Variants in KCNIP4 observed in about 807,000 individuals in gnomAD.
KCNIP4 encodes the protein potassium voltage-gated channel interacting protein 4.
KCNIP4 carries 12 observed loss-of-function variants against 34.0 expected under a neutral mutation model. That is an observed-to-expected ratio of 0.35 (90% confidence interval 0.23 to 0.57). KCNIP4 has a LOEUF of 0.57. Among genes scored for constraint, KCNIP4 ranks in the 20% least tolerant of loss-of-function variants. The pLI, the probability that KCNIP4 is intolerant of heterozygous loss-of-function variation, is 0.83. For missense variants in KCNIP4, 238 were observed against 311.7 expected (o/e 0.76, Z 1.78); for synonymous variants, 124 against 102.2 (o/e 1.21, Z -1.29).
intron 1 of KCNIP4, among the ~76,000 whole-genome samples, chr4:21,918,048 C>G (rs903762094): frequency 1.3e-5 from 2 of 152,098 alleles, no homozygotes; most frequent in Non-Finnish European, 2.9e-5. Flanking sequence ...ACTTTGACAC[C>G]CCCATTAGGT....
chr4:20,953,595 T>C (rs879840162), intron 1 of KCNIP4, among the ~76,000 whole-genome samples: 1 of 152,050 alleles, frequency 6.6e-6, no homozygotes, highest in Non-Finnish European at 1.5e-5. Context: ...GGCAGGAGGA[T>C]TGGTTGAGCC....
At chr4:21,517,111 G>C (rs1046348794) in intron 1 of KCNIP4, among the ~76,000 whole-genome samples, 1 of 152,080 alleles carries the variant, frequency 6.6e-6, no homozygotes, top group South Asian at 2.1e-4. Flanking sequence ...AAATTCTAAG[G>C]CTTCATGAAC....
At chr4:20,765,536 C>G (rs1357933051) in intron 3 of KCNIP4, among the ~76,000 whole-genome samples, 1 of 152,174 alleles carries the variant, frequency 6.6e-6, no homozygotes, top group Non-Finnish European at 1.5e-5. Flanking sequence ...AGAACCTCCC[C>G]ACCTTCCTGT....
At position 21,356,105 on chromosome 4, in the gene KCNIP4, C is replaced by T. The variant is rs531241373; in HGVS notation, c.62-473396G>A. Reference sequence around the variant, plus strand: ...GCCTTTGACAAAAATCAACAGCCTTCGACAAAATTCAACAGCCCTTCATGC... The same window carrying T: ...GCCTTTGACAAAAATCAACAGCCTTTGACAAAATTCAACAGCCCTTCATGC... On this transcript the variant is annotated intron_variant, in intron 1 of 8. Coordinates refer to ENST00000382152, the MANE Select transcript of KCNIP4 (RefSeq NM_025221.6). Among the ~76,000 whole-genome samples the T allele has an allele frequency of 1.3e-4, 20 of 151,536 alleles. 1 individual carries two copies. Among genetic ancestry groups the T allele is most frequent in the Admixed American group, 6.6e-4 (10 of 15,202 alleles).
chr4:21,520,017 T>C lies in KCNIP4; in HGVS notation c.61+428554A>G, dbSNP rs114638896. Among the ~76,000 whole-genome samples, 831 of 152,002 alleles carry C rather than the reference T, an allele frequency of 5.5e-3. 14 individuals are homozygous for C. Among genetic ancestry groups the C allele is most frequent in the African/African-American group, 0.019 (792 of 41,470 alleles). ...CAAAACTGAAGAACTTGGAGTGCGA[T>C]GTTTGAGGGAAGGAAGCATCCAGCG... On this transcript the variant is annotated intron_variant, in intron 1 of 8. Transcript: ENST00000382152.
chr4:20,948,530 C>T (rs1418667759), intron 1 of KCNIP4, among the ~76,000 whole-genome samples: 2 of 152,198 alleles, frequency 1.3e-5, no homozygotes, highest in Non-Finnish European at 2.9e-5. Flanking sequence ...CGTTACACTC[C>T]TGCAGCATGC....
intron 1 of KCNIP4, among the ~76,000 whole-genome samples, chr4:21,748,587 T>G: frequency 6.6e-6 from 1 of 152,170 alleles, no homozygotes; most frequent in East Asian, 1.9e-4. Flanking sequence ...AAGGGTGGGT[T>G]TATATCATGA....
At chr4:21,054,171 A>G (rs1375480803) in intron 1 of KCNIP4, among the ~76,000 whole-genome samples, 1 of 152,168 alleles carries the variant, frequency 6.6e-6, no homozygotes, top group African/African-American at 2.4e-5. Context: ...GAAGGAGAAG[A>G]ACAAAGTTAG....
chr4:21,561,654 C>T (rs1468030543), intron 1 of KCNIP4, among the ~76,000 whole-genome samples: 5 of 151,666 alleles, frequency 3.3e-5, no homozygotes, highest in Admixed American at 1.3e-4. Flanking sequence ...CTAAAAAAAT[C>T]AGACAAAAAA....
At chr4:21,726,832 A>G (rs1715230679) in intron 1 of KCNIP4, among the ~76,000 whole-genome samples, 2 of 152,280 alleles carry the variant, frequency 1.3e-5, no homozygotes, top group South Asian at 2.1e-4. Context: ...CGATGGATCA[A>G]TCCTGATTTG....
rs576319294 is a variant in KCNIP4 at position 21,116,693 on chromosome 4, G to C, written c.62-233984C>G. On this transcript the variant is annotated intron_variant, in intron 1 of 8. Coordinates refer to ENST00000382152, the MANE Select transcript of KCNIP4 (RefSeq NM_025221.6). The stretch of plus-strand genomic sequence containing the variant: ...TTCCTTGTTGGGCAAAACTTTCAGA[G>C]TAGACTACCAGCAGATTATTTGCAG... 2.3e-4 allele frequency among the ~76,000 whole-genome samples: 35 copies of C among 152,310 alleles called. No individual in the cohort carries two copies. The Middle Eastern group carries it at 0.017, about 74-fold the overall frequency.
chr4:21,455,035 C>G (rs954395157), intron 1 of KCNIP4, among the ~76,000 whole-genome samples: 2 of 151,966 alleles, frequency 1.3e-5, no homozygotes, highest in Admixed American at 1.3e-4. Flanking sequence ...CAAACAAGGC[C>G]AGCTGGTCCC....
At chr4:21,264,424 G>A (rs1447335295) in intron 1 of KCNIP4, among the ~76,000 whole-genome samples, 1 of 152,150 alleles carries the variant, frequency 6.6e-6, no homozygotes, top group Non-Finnish European at 1.5e-5. Context: ...GATTAGCATG[G>A]TGGTTAGGAA....
intron 1 of KCNIP4, among the ~76,000 whole-genome samples, chr4:21,009,994 A>G (rs924420346): frequency 6.6e-6 from 1 of 152,208 alleles, no homozygotes; most frequent in Non-Finnish European, 1.5e-5. Context: ...GCAAGTCCAC[A>G]ATGAAGATGA....
At chr4:21,031,799 TC>T (rs1560661887) in intron 1 of KCNIP4, among the ~76,000 whole-genome samples, 1 of 152,196 alleles carries the variant, frequency 6.6e-6, no homozygotes, top group African/African-American at 2.4e-5. Flanking sequence ...CAACTCTACA[TC>T]GCTAGCTTTT....
chr4:20,902,488 A>G (rs1727256568), intron 1 of KCNIP4, among the ~76,000 whole-genome samples: 1 of 152,166 alleles, frequency 6.6e-6, no homozygotes, highest in Non-Finnish European at 1.5e-5. Context: ...AAAAGTGATT[A>G]GTATTGCACC....
chr4:21,215,970 T>G (rs1757548448), intron 1 of KCNIP4, among the ~76,000 whole-genome samples: 1 of 151,994 alleles, frequency 6.6e-6, no homozygotes, highest in Admixed American at 6.6e-5. Context: ...CATGTGCCTT[T>G]TTTAGAGATG....
chr4:21,592,686 T>G (rs1362576067), intron 1 of KCNIP4, among the ~76,000 whole-genome samples: 1 of 152,164 alleles, frequency 6.6e-6, no homozygotes, highest in Non-Finnish European at 1.5e-5. Context: ...TATTTAATCT[T>G]CTATTTCTTT....
chr4:20,840,542 G>A (rs949127166), intron 3 of KCNIP4, among the ~76,000 whole-genome samples: 2 of 152,078 alleles, frequency 1.3e-5, no homozygotes, highest in African/African-American at 4.8e-5. Context: ...CCCATCAAAT[G>A]CCCCACACCA....
Sources: allele counts gnomAD v4.1 joint callset (sites outside exome capture counted in the v4.1 genomes callset), GRCh38; gene constraint gnomAD v4.1.1; transcripts MANE v1.5; gene names NCBI Gene and HGNC (gene_info 2026-07-23, HGNC 2026-07-21).